The following HFM1 variants were observed in gnomAD, a reference collection of about 807,000 sequenced individuals.
The protein encoded by HFM1 is probable ATP-dependent DNA helicase HFM1.
A neutral mutation model predicts 192.1 loss-of-function variants in HFM1; 169 were observed. The observed-to-expected ratio is 0.88, with a 90% CI of 0.78 to 1.00. HFM1 has a LOEUF of 1.00. Ranked by LOEUF, HFM1 falls within the 50% of genes least tolerant of loss-of-function variation. The pLI, the probability that HFM1 is intolerant of heterozygous loss-of-function variation, is 0.00. For missense variants in HFM1, 1,661 were observed against 1,668.0 expected (o/e 1.00, Z 0.07); for synonymous variants, 525 against 537.8 (o/e 0.98, Z 0.33).
intron 11 of HFM1, chr1:91,377,687 A>T: frequency 3.9e-6 from 1 of 254,378 alleles, no homozygotes; most frequent in Non-Finnish European, 7.4e-6. Flanking sequence ...TTTATTCTCC[A>T]CCATACTTTG....
At chr1:91,269,748 G>C (rs1332010008) in intron 34 of HFM1, among the ~76,000 whole-genome samples, 3 of 152,198 alleles carry the variant, frequency 2.0e-5, no homozygotes, top group Admixed American at 2.0e-4. Context: ...TATGAAGGAA[G>C]AGTAGTCGGA....
chr1:91,373,883 G>C lies in HFM1; in HGVS notation c.1685+1475C>G, dbSNP rs145868614. On this transcript the variant is annotated intron_variant, in intron 13 of 38. Coordinates refer to ENST00000370425, the MANE Select transcript of HFM1 (RefSeq NM_001017975.6). ...GACCTAATACACCTGCTAAGATTGA[G>C]TGGTAAGCAGGATGAACATGAGTCC... Among the ~76,000 whole-genome samples the C allele has an allele frequency of 6.6e-5, 10 of 152,176 alleles. No homozygotes were observed. The East Asian group carries it at 1.9e-3, about 29-fold the overall frequency.
intron 30 of HFM1, among the ~76,000 whole-genome samples, chr1:91,288,607 T>C (rs1156911509): frequency 6.6e-6 from 1 of 152,026 alleles, no homozygotes; most frequent in Non-Finnish European, 1.5e-5. Context: ...CCTTCAAGCA[T>C]CTGTTTAACA....
At chr1:91,324,829 T>C in intron 20 of HFM1, 63 bp from the exon 21 acceptor site, 1 of 875,812 alleles carries the variant, frequency 1.1e-6, no homozygotes, top group Non-Finnish European at 1.9e-6. Flanking sequence ...TTTTTTTATG[T>C]TTAACAAACA....
At position 91,368,377 on chromosome 1, in the gene HFM1, C is replaced by G. The variant is rs567795580; in HGVS notation, c.1685+6981G>C. On this transcript the variant is annotated intron_variant, in intron 13 of 38. Coordinates refer to ENST00000370425, the MANE Select transcript of HFM1 (RefSeq NM_001017975.6). ...GTTGGGTTACCAACAAAGGGAAACCCAACAGACTAACAGCTGATCTCTCGG... is the reference window on the plus strand; with the variant it reads ...GTTGGGTTACCAACAAAGGGAAACCGAACAGACTAACAGCTGATCTCTCGG... Among the ~76,000 whole-genome samples, 22 of 152,226 alleles carry G rather than the reference C, an allele frequency of 1.4e-4. No individual in the cohort carries two copies. The South Asian group carries it at 4.6e-3, about 32-fold the overall frequency.
chr1:91,277,997 G>T (rs1490110346), intron 30 of HFM1, among the ~76,000 whole-genome samples: 1 of 141,002 alleles, frequency 7.1e-6, no homozygotes, highest in Non-Finnish European at 1.5e-5. Flanking sequence ...ATAAAATAGG[G>T]CCAAATATGG....
chr1:91,319,985 A>AG (rs1199673612), intron 23 of HFM1, among the ~76,000 whole-genome samples: 1 of 152,172 alleles, frequency 6.6e-6, no homozygotes, highest in African/African-American at 2.4e-5. Context: ...TAGTTGTTCA[A>AG]GGGGAAAAAA....
At chr1:91,313,000 CT>C (rs1287053912) in intron 30 of HFM1, among the ~76,000 whole-genome samples, 1 of 152,040 alleles carries the variant, frequency 6.6e-6, no homozygotes. Context: ...AAGATGTGCC[CT>C]TCACCTCCTG....
chr1:91,398,333 TA>T (rs558857285), intron 2 of HFM1, among the ~76,000 whole-genome samples: 2 of 152,202 alleles, frequency 1.3e-5, no homozygotes, highest in Non-Finnish European at 2.9e-5. Context: ...TTTTACTAAC[TA>T]TATCTAGATA....
At chr1:91,340,977 T>C (rs574916120) in intron 20 of HFM1, among the ~76,000 whole-genome samples, 5 of 152,202 alleles carry the variant, frequency 3.3e-5, no homozygotes, top group African/African-American at 9.6e-5. Context: ...GAGACTTAGA[T>C]ACCTACACAA....
chr1:91,341,838 G>C (rs1034594168), intron 20 of HFM1, among the ~76,000 whole-genome samples: 1 of 150,222 alleles, frequency 6.7e-6, no homozygotes, highest in Non-Finnish European at 1.5e-5. Context: ...AGAAAACCTA[G>C]AAGAAATGGG....
At chr1:91,358,198 G>A (rs1018198084) in intron 13 of HFM1, among the ~76,000 whole-genome samples, 5 of 151,934 alleles carry the variant, frequency 3.3e-5, no homozygotes, top group African/African-American at 4.8e-5. Context: ...AAATACAAAT[G>A]GTGTGAACCT....
At chr1:91,279,113 C>G (rs1286916825) in intron 30 of HFM1, among the ~76,000 whole-genome samples, 2 of 152,072 alleles carry the variant, frequency 1.3e-5, no homozygotes, top group Non-Finnish European at 2.9e-5. Context: ...AAGAGTCACC[C>G]AGCACAAGCT....
chr1:91,369,209 G>A (rs1659819979), intron 13 of HFM1, among the ~76,000 whole-genome samples: 1 of 152,042 alleles, frequency 6.6e-6, no homozygotes, highest in South Asian at 2.1e-4. Flanking sequence ...ACATTAACAA[G>A]GATATCCAGG....
chr1:91,355,414 G>A (rs757422231), intron 13 of HFM1, among the ~76,000 whole-genome samples: 2 of 149,856 alleles, frequency 1.3e-5, no homozygotes, highest in Non-Finnish European at 3.0e-5. Context: ...AAGACATATA[G>A]TGTCTAAATT....
rs1409336580 is a variant in HFM1, at chr1:91,353,656, A to C, written c.1686-357T>G. ...ACTATATTACTAGTAAATAAGCAAAAAAAAAAAAAAAAAAAACATGGAAAT... is the reference window on the plus strand; with the variant it reads ...ACTATATTACTAGTAAATAAGCAAACAAAAAAAAAAAAAAAACATGGAAAT... On this transcript the variant is annotated intron_variant, in intron 13 of 38. Coordinates refer to ENST00000370425, the MANE Select transcript of HFM1 (RefSeq NM_001017975.6). Among the ~76,000 whole-genome samples the C allele has an allele frequency of 2.8e-3, 418 of 149,930 alleles. 2 individuals carry two copies. Among genetic ancestry groups the C allele is most frequent in the African/African-American group, 8.3e-3 (341 of 41,128 alleles).
rs1222175710 is a variant in HFM1, at chr1:91,277,070, A to C, written c.3392-8T>G. On this transcript the variant is annotated splice_polypyrimidine_tract_variant and splice_region_variant and intron_variant, in intron 30 of 38. Transcript: ENST00000370425. ...TTTTGCTGGCAGTCGTTCCTAAATT[A>C]ATATAAGAAAAACAAATCCATTTGT... 6.6e-7 allele frequency: 1 copy of C among 1,508,000 alleles called. No homozygotes were observed. Among genetic ancestry groups the C allele is most frequent in the Non-Finnish European group, 9.1e-7 (1 of 1,097,666 alleles). 93.4% of individuals were successfully genotyped at this position (1,508,000 alleles called of 1,614,324 possible).
At chr1:91,285,951 G>T (rs188131436) in intron 30 of HFM1, among the ~76,000 whole-genome samples, 2 of 152,166 alleles carry the variant, frequency 1.3e-5, no homozygotes, top group Admixed American at 1.3e-4. Context: ...CGACGGTCAT[G>T]GTATCACAGT....
At position 91,379,217 on chromosome 1, in the gene HFM1, G is replaced by GT. The variant is rs1661265679; in HGVS notation, c.1007-4dup. 2 of 1,588,284 alleles carry GT rather than the reference G, an allele frequency of 1.3e-6. No homozygotes were observed. Among genetic ancestry groups the GT allele is most frequent in the Non-Finnish European group, 1.7e-6 (2 of 1,171,470 alleles). ...GCACAAGGCTTTTATTGGTGCCACT[G>GT]TAACAATATAAAATATTTACTTTGA... On this transcript the variant is annotated splice_polypyrimidine_tract_variant and splice_region_variant and intron_variant, in intron 8 of 38. Coordinates refer to ENST00000370425, the MANE Select transcript of HFM1 (RefSeq NM_001017975.6).
Sources: gnomAD v4.1 joint callset for allele counts (sites outside exome capture counted in the v4.1 genomes callset) on GRCh38, gnomAD v4.1.1 for gene constraint, MANE v1.5 for transcripts, NCBI Gene and HGNC (gene_info 2026-07-23, HGNC 2026-07-21) for gene names.